The following MORC4 variants were observed in gnomAD, a reference collection of about 807,000 sequenced individuals.
MORC4 encodes MORC family CW-type zinc finger 4, also known as MORC family CW-type zinc finger protein 4.
A neutral mutation model predicts 65.5 loss-of-function variants in MORC4; 22 were observed. That is an observed-to-expected ratio of 0.34 (90% CI 0.24 to 0.48). MORC4 has a LOEUF of 0.48. Ranked by LOEUF, MORC4 falls within the 20% of genes least tolerant of loss-of-function variation. The probability of loss-of-function intolerance (pLI) is 0.99; values close to 1 mark genes in which losing one functional copy is unlikely to be tolerated. For synonymous variants in MORC4, 267 were observed against 255.8 expected (o/e 1.04, Z -0.42); for missense variants, 624 against 703.0 (o/e 0.89, Z 1.27).
intron 14 of MORC4, among the ~76,000 whole-genome samples, chrX:106,950,373 G>T (rs906551992): frequency 8.9e-6 from 1 of 111,899 alleles, no homozygotes; most frequent in African/African-American, 3.3e-5. Context: ...AATTCCTTTA[G>T]GTAGAGCTGT....
chrX:106,965,105 C>T (rs768308750), intron 9 of MORC4, among the ~76,000 whole-genome samples: 10 of 111,641 alleles, frequency 9.0e-5, no homozygotes, highest in Non-Finnish European at 1.5e-4. Context: ...GTTTTCTACG[C>T]AATTTAAAAG....
intron 2 of MORC4, among the ~76,000 whole-genome samples, chrX:106,995,708 C>T (rs1935066149): frequency 8.9e-6 from 1 of 112,367 alleles, no homozygotes; most frequent in Non-Finnish European, 1.9e-5. Context: ...TATAATGTGG[C>T]AAGACAAGTG....
intron 8 of MORC4, among the ~76,000 whole-genome samples, chrX:106,977,848 C>T (rs762828370): frequency 2.7e-5 from 3 of 111,297 alleles, no homozygotes; most frequent in Non-Finnish European, 3.8e-5. Context: ...TTGACAGCTA[C>T]TTAGAAAATG....
chrX:106,985,283 G>A, intron 4 of MORC4, 40 bp from the exon 5 acceptor site: 1 of 1,008,977 alleles, frequency 9.9e-7, no homozygotes, highest in Non-Finnish European at 1.3e-6. Flanking sequence ...AATATCTTAG[G>A]ATGCTATTGA....
chrX:106,952,229 G>A (rs1933991110), intron 14 of MORC4, among the ~76,000 whole-genome samples: 1 of 110,667 alleles, frequency 9.0e-6, no homozygotes, highest in African/African-American at 3.3e-5. Flanking sequence ...TTTCCTCATC[G>A]TGCAAACATC....
chrX:106,977,087 T>G (rs150495351), intron 8 of MORC4, among the ~76,000 whole-genome samples: 3,454 of 111,966 alleles, frequency 0.031, 135 homozygotes, highest in African/African-American at 0.11. Context: ...AATATTCATC[T>G]GAAAACAATT....
At chrX:106,955,112 TAA>T in intron 13 of MORC4, 24 bp from the exon 14 acceptor site, 1 of 1,128,043 alleles carries the variant, frequency 8.9e-7, no homozygotes, top group Middle Eastern at 2.5e-4. Flanking sequence ...AAATGATTTG[TAA>T]AAGTCTCAAA....
At position 106,955,466 on chromosome X, in the gene MORC4, G is replaced by A. The variant is rs1431106285; in HGVS notation, c.1510-378C>T. Among the ~76,000 whole-genome samples, 12 of 110,920 alleles carry A rather than the reference G, an allele frequency of 1.1e-4. No homozygotes were observed. In the Admixed American group the frequency reaches 1.2e-3, roughly 11 times the overall value. The stretch of plus-strand genomic sequence containing the variant: ...GGTGGGAAAATGCACTGCAGCAAGT[G>A]TCTGTGCCAGTTTGGGAGAAATACA... On this transcript the variant is annotated intron_variant, in intron 13 of 16. Coordinates refer to ENST00000355610, the MANE Select transcript of MORC4 (RefSeq NM_024657.5).
intron 9 of MORC4, among the ~76,000 whole-genome samples, chrX:106,964,700 A>T (rs2147812639): frequency 8.9e-6 from 1 of 112,241 alleles, no homozygotes; most frequent in African/African-American, 3.2e-5. Flanking sequence ...TATATAATGT[A>T]AGAGAATACA....
intron 14 of MORC4, among the ~76,000 whole-genome samples, chrX:106,947,636 A>G (rs1016624821): frequency 2.2e-4 from 22 of 99,913 alleles, no homozygotes; most frequent in African/African-American, 8.0e-4. Context: ...AGATACAGAT[A>G]GGTTGGAAGT....
intron 5 of MORC4, among the ~76,000 whole-genome samples, chrX:106,984,867 A>G (rs1934836333): frequency 1.8e-5 from 2 of 110,376 alleles, no homozygotes; most frequent in Non-Finnish European, 3.8e-5. Flanking sequence ...TACTCTAAAA[A>G]GAGTTATTAA....
intron 9 of MORC4, among the ~76,000 whole-genome samples, chrX:106,971,212 G>C (rs1479069142): frequency 8.9e-6 from 1 of 111,811 alleles, no homozygotes; most frequent in Non-Finnish European, 1.9e-5. Flanking sequence ...ACAAGCAATA[G>C]GGAAAAGATT....
At chrX:106,961,988 T>A in intron 10 of MORC4, 24 bp downstream of exon 10, 2 of 1,044,576 alleles carry the variant, frequency 1.9e-6, no homozygotes, top group Non-Finnish European at 2.7e-6. Flanking sequence ...CCTAATACAT[T>A]CATATTCTGT....
At position 106,985,970 on chromosome X, in the gene MORC4, C is replaced by T. The variant is rs1196024699; in HGVS notation, c.526+13G>A. 3 of 1,183,948 alleles carry T rather than the reference C, an allele frequency of 2.5e-6. No homozygotes were observed. The highest frequency in any genetic ancestry group is 3.4e-6 in the Non-Finnish European group (3 of 873,520). The stretch of plus-strand genomic sequence containing the variant: ...AATTTTTAACCAACATTCTCCATTT[C>T]CAGAAAGGATATTGTTTTGCTGGTT... On this transcript the variant is annotated intron_variant, in intron 4 of 16. Coordinates refer to ENST00000355610, the MANE Select transcript of MORC4 (RefSeq NM_024657.5).
Position 106,942,102 on chromosome X carries a change from C to T in MORC4, c.2496G>A (p.Met832Ile), listed in dbSNP as rs944590601. The change falls in exon 16 of 17, where the codon ATG (methionine) becomes ATA (isoleucine). Residue 832 changes from methionine to isoleucine, a missense_variant. Physicochemically the swap from Met to Ile is conservative, Grantham distance 10. Coordinates refer to ENST00000355610, the MANE Select transcript of MORC4 (RefSeq NM_024657.5). ...AEGLYWSKKH[M>I]GYRQAEFQIL... ...TCTGGAATTCAGCTTGGCGATAACC[C>T]ATGTGTTTCTTGCTCCAGTACAAGC... The T allele has an allele frequency of 1.7e-6, 2 of 1,211,406 alleles. No homozygotes were observed. Among genetic ancestry groups the T allele is most frequent in the South Asian group, 3.5e-5 (2 of 56,929 alleles).
intron 2 of MORC4, 139 bp downstream of exon 2, chrX:106,999,538 G>C (rs1935139676): frequency 4.4e-6 from 2 of 453,462 alleles, no homozygotes; most frequent in African/African-American, 5.3e-5. Context: ...CTCCGCCTGC[G>C]GAGCCGGGGC....
chrX:106,952,860 AT>A (rs1934008586), intron 14 of MORC4, among the ~76,000 whole-genome samples: 1 of 111,676 alleles, frequency 9.0e-6, no homozygotes, highest in African/African-American at 3.3e-5. Context: ...AATCCTATAT[AT>A]TTTACTAGAC....
At chrX:106,990,857 A>G (rs1279904179) in intron 3 of MORC4, among the ~76,000 whole-genome samples, 2 of 111,335 alleles carry the variant, frequency 1.8e-5, no homozygotes, top group Non-Finnish European at 3.8e-5. Flanking sequence ...GAGGGACAAG[A>G]GTGAAACTCC....
At chrX:106,995,007 T>A (rs919249757) in intron 2 of MORC4, among the ~76,000 whole-genome samples, 1 of 111,798 alleles carries the variant, frequency 8.9e-6, no homozygotes, top group Non-Finnish European at 1.9e-5. Context: ...ACATTCAAAA[T>A]CTATTCTTCT....
Sources: allele counts gnomAD v4.1 joint callset (sites outside exome capture counted in the v4.1 genomes callset), GRCh38; gene constraint gnomAD v4.1.1; transcripts MANE v1.5; gene names NCBI Gene and HGNC (gene_info 2026-07-23, HGNC 2026-07-21).